NCKAP5: variants seen among roughly 807,000 people sequenced by gnomAD.
NCKAP5 encodes the protein nck-associated protein 5.
Under a neutral mutation model 167.0 loss-of-function variants are expected in NCKAP5, and 92 were observed. That is an observed-to-expected ratio of 0.55 (90% CI 0.47 to 0.66). The LOEUF is 0.66. NCKAP5 is among the 30% of genes least tolerant of loss of function. NCKAP5 has a pLI of 0.00. For missense variants in NCKAP5, 2,378 were observed against 2,315.0 expected, an observed-to-expected ratio of 1.03 and a Z score of -0.56; for synonymous variants, 891 against 877.4, an observed-to-expected ratio of 1.02 and a Z score of -0.27.
intron 3 of NCKAP5, among the ~76,000 whole-genome samples, chr2:133,456,271 G>T (rs1691853978): frequency 6.6e-6 from 1 of 152,160 alleles, no homozygotes; most frequent in Non-Finnish European, 1.5e-5. Context: ...ATGCAGAAAG[G>T]AGTAGCAATT....
chr2:133,321,687 A>AC (rs1682065567), intron 3 of NCKAP5, among the ~76,000 whole-genome samples: 1 of 152,232 alleles, frequency 6.6e-6, no homozygotes, highest in African/African-American at 2.4e-5. Flanking sequence ...TTTTCTGTTG[A>AC]GGCTGGCTGT....
At chr2:133,156,994 A>G (rs2083599859) in intron 5 of NCKAP5, among the ~76,000 whole-genome samples, 2 of 152,114 alleles carry the variant, frequency 1.3e-5, no homozygotes, top group African/African-American at 2.4e-5. Context: ...CCAACTCTGT[A>G]TCATACTGTG....
chr2:132,914,451 G>C (rs1190743975), intron 8 of NCKAP5, among the ~76,000 whole-genome samples: 1 of 151,990 alleles, frequency 6.6e-6, no homozygotes, highest in African/African-American at 2.4e-5. Context: ...AATTTTAACT[G>C]ATCTATTTTT....
intron 3 of NCKAP5, among the ~76,000 whole-genome samples, chr2:133,458,714 T>A (rs1046150438): frequency 6.6e-6 from 1 of 152,090 alleles, no homozygotes; most frequent in Non-Finnish European, 1.5e-5. Context: ...TTCCTGGATG[T>A]TAACAGGACT....
intron 6 of NCKAP5, among the ~76,000 whole-genome samples, chr2:133,099,203 A>G (rs1420514198): frequency 6.6e-6 from 1 of 152,200 alleles, no homozygotes; most frequent in African/African-American, 2.4e-5. Flanking sequence ...TAAGACAGTA[A>G]GAATATATAG....
chr2:133,402,084 A>G, intron 3 of NCKAP5, among the ~76,000 whole-genome samples: 1 of 137,940 alleles, frequency 7.2e-6, no homozygotes, highest in Non-Finnish European at 1.6e-5. Flanking sequence ...TCCTAAATTA[A>G]TAATCTCTGA....
At chr2:133,113,382 C>G (rs2081976458) in intron 6 of NCKAP5, among the ~76,000 whole-genome samples, 1 of 152,166 alleles carries the variant, frequency 6.6e-6, no homozygotes, top group African/African-American at 2.4e-5. Context: ...AGCCAAATGT[C>G]AAAAGCATTT....
chr2:133,187,171 T>C (rs2084983244), intron 5 of NCKAP5, among the ~76,000 whole-genome samples: 1 of 152,066 alleles, frequency 6.6e-6, no homozygotes, highest in Non-Finnish European at 1.5e-5. Flanking sequence ...TCATTAATTT[T>C]AAATAAAGTT....
intron 3 of NCKAP5, among the ~76,000 whole-genome samples, chr2:133,483,976 A>G (rs1680688561): frequency 6.6e-6 from 1 of 152,132 alleles, no homozygotes; most frequent in Admixed American, 6.5e-5. Flanking sequence ...TTATAATTTT[A>G]TTCTATTAAT....
At chr2:132,884,455 C>T (rs1692051681) in intron 8 of NCKAP5, among the ~76,000 whole-genome samples, 1 of 152,198 alleles carries the variant, frequency 6.6e-6, no homozygotes. Flanking sequence ...GTTCCAGTTC[C>T]ATTCTGTTGC....
intron 3 of NCKAP5, among the ~76,000 whole-genome samples, chr2:133,493,051 C>A (rs1465501700): frequency 6.6e-6 from 1 of 152,214 alleles, no homozygotes; most frequent in Non-Finnish European, 1.5e-5. Flanking sequence ...TTTATTTCAG[C>A]CTCAGATCTT....
At chr2:133,233,042 G>C (rs1382163489) in intron 4 of NCKAP5, among the ~76,000 whole-genome samples, 1 of 152,168 alleles carries the variant, frequency 6.6e-6, no homozygotes, top group African/African-American at 2.4e-5. Flanking sequence ...TGTTATGTGA[G>C]TCCAAGAATG....
intron 5 of NCKAP5, among the ~76,000 whole-genome samples, chr2:133,207,064 TTG>T (rs1358497748): frequency 3.3e-5 from 5 of 152,112 alleles, no homozygotes; most frequent in African/African-American, 1.2e-4. Flanking sequence ...AATTCTAATT[TTG>T]CCTTCTCCTT....
intron 7 of NCKAP5, among the ~76,000 whole-genome samples, chr2:132,975,785 G>GAA (rs1221004304): frequency 3.0e-5 from 4 of 135,584 alleles, no homozygotes; most frequent in African/African-American, 2.7e-5. Flanking sequence ...AAGAGTCAGA[G>GAA]AAAAAAAAAA....
At chr2:133,515,861 A>C (rs939116971) in intron 3 of NCKAP5, among the ~76,000 whole-genome samples, 2 of 152,124 alleles carry the variant, frequency 1.3e-5, no homozygotes, top group Non-Finnish European at 2.9e-5. Context: ...GCCTTCTTCT[A>C]TTTTACCAAT....
chr2:132,793,083 C>A (rs1684201495), intron 12 of NCKAP5, among the ~76,000 whole-genome samples: 2 of 152,200 alleles, frequency 1.3e-5, no homozygotes, highest in African/African-American at 4.8e-5. Flanking sequence ...CAGCTCACTG[C>A]AACCTCTGCC....
chr2:133,347,561 T>C (rs1684062908), intron 3 of NCKAP5, among the ~76,000 whole-genome samples: 1 of 150,102 alleles, frequency 6.7e-6, no homozygotes, highest in Non-Finnish European at 1.5e-5. Flanking sequence ...CTCAAAAAAA[T>C]AAAATAAATT....
At chr2:132,925,130 G>A (rs1328725836) in intron 8 of NCKAP5, among the ~76,000 whole-genome samples, 1 of 152,070 alleles carries the variant, frequency 6.6e-6, no homozygotes, top group Non-Finnish European at 1.5e-5. Context: ...CATGGACTTT[G>A]TTGGGGGGTG....
At chr2:133,113,672 C>T (rs2081986365) in intron 6 of NCKAP5, among the ~76,000 whole-genome samples, 1 of 152,156 alleles carries the variant, frequency 6.6e-6, no homozygotes, top group Non-Finnish European at 1.5e-5. Context: ...CAAATGGGCC[C>T]AAGCCTGCTT....
Sources: allele counts gnomAD v4.1 joint callset (sites outside exome capture counted in the v4.1 genomes callset), GRCh38; gene constraint gnomAD v4.1.1; transcripts MANE v1.5; gene names NCBI Gene and HGNC (gene_info 2026-07-23, HGNC 2026-07-21).